Variants in BIRC6 observed in about 807,000 individuals in gnomAD.
The protein encoded by BIRC6 is baculoviral IAP repeat containing 6.
A neutral mutation model predicts 503.3 loss-of-function variants in BIRC6; 98 were observed. The ratio of observed to expected loss-of-function variants is 0.19; its 90% CI spans 0.17 to 0.23. The LOEUF (loss-of-function observed/expected upper bound fraction) is 0.23, where lower values mean the gene tolerates loss of function less well. Ranked by LOEUF, BIRC6 falls within the 10% of genes least tolerant of loss-of-function variation. The pLI is 1.00. For missense variants in BIRC6, 5,360 were observed against 5,806.0 expected, an observed-to-expected ratio of 0.92 and a Z score of 2.50; for synonymous variants, 2,240 against 2,078.7, an observed-to-expected ratio of 1.08 and a Z score of -2.11.
chr2:32,577,565 C>A (rs1265417049), intron 66 of BIRC6, among the ~76,000 whole-genome samples: 1 of 130,228 alleles, frequency 7.7e-6, no homozygotes, highest in African/African-American at 2.6e-5. Flanking sequence ...CTATTAGATC[C>A]TGCAAAAATG....
chr2:32,463,837 T>G (rs916975007), intron 24 of BIRC6, among the ~76,000 whole-genome samples: 1 of 152,228 alleles, frequency 6.6e-6, no homozygotes, highest in Non-Finnish European at 1.5e-5. Flanking sequence ...AAATAGCCTT[T>G]CAGGAACTGG....
At chr2:32,480,192 T>C (rs1026866484) in intron 37 of BIRC6, among the ~76,000 whole-genome samples, 10 of 152,206 alleles carry the variant, frequency 6.6e-5, no homozygotes, top group Admixed American at 3.3e-4. Flanking sequence ...AGATTTCCTG[T>C]GTGCACGATG....
chr2:32,359,639 C>T (rs985302095), intron 1 of BIRC6, among the ~76,000 whole-genome samples: 2 of 151,908 alleles, frequency 1.3e-5, no homozygotes, highest in Non-Finnish European at 2.9e-5. Context: ...TTATAGTGAA[C>T]GGAATGAAGG....
intron 55 of BIRC6, among the ~76,000 whole-genome samples, chr2:32,517,305 G>T (rs549446564): frequency 4.6e-5 from 7 of 152,090 alleles, no homozygotes; most frequent in Non-Finnish European, 1.0e-4. Flanking sequence ...TCACACCACT[G>T]CCCTCCATCC....
At chr2:32,413,867 T>C (rs2042150741) in intron 9 of BIRC6, among the ~76,000 whole-genome samples, 1 of 152,226 alleles carries the variant, frequency 6.6e-6, no homozygotes, top group South Asian at 2.1e-4. Flanking sequence ...AAATGAACTC[T>C]AGATTACTTA....
intron 1 of BIRC6, among the ~76,000 whole-genome samples, chr2:32,374,475 T>A (rs1006832549): frequency 8.0e-6 from 1 of 125,312 alleles, no homozygotes. Flanking sequence ...ATTTTTTTAA[T>A]TTTTTTTTTT....
chr2:32,590,525 G>A (rs1043794259), intron 66 of BIRC6, among the ~76,000 whole-genome samples: 1 of 152,142 alleles, frequency 6.6e-6, no homozygotes, highest in East Asian at 1.9e-4. Flanking sequence ...TTCTGACATG[G>A]TGTATTTAGT....
chr2:32,543,075 C>T (rs924223546), intron 61 of BIRC6, among the ~76,000 whole-genome samples, 166 bp from the exon 62 acceptor site: 2 of 152,232 alleles, frequency 1.3e-5, no homozygotes, highest in African/African-American at 2.4e-5. Context: ...GCTGGGATAA[C>T]AGGCGTGAGC....
At chr2:32,600,803 C>T (rs921654181) in intron 70 of BIRC6, among the ~76,000 whole-genome samples, 2 of 152,148 alleles carry the variant, frequency 1.3e-5, no homozygotes, top group Non-Finnish European at 2.9e-5. Context: ...TTAAAGTTTA[C>T]ACACTGTTAG....
chr2:32,523,874 C>T (rs1410448328), intron 57 of BIRC6, among the ~76,000 whole-genome samples: 3 of 151,942 alleles, frequency 2.0e-5, no homozygotes, highest in Non-Finnish European at 2.9e-5. Flanking sequence ...CACAACATGG[C>T]GAAACCTCGT....
Position 32,415,813 on chromosome 2 carries a change from A to T in BIRC6, c.2522A>T (p.Glu841Val). ...GCCACTCGGATAGTGACTTTAGAAG[A>T]GGAGCCAATAAAAATACAACATATC... ...NYATRIVTLE[E>V]EPIKIQHIKD... Residue 841 changes from glutamate to valine, a missense_variant, in exon 10 of 74, where the codon GAG becomes GTG. Coordinates refer to ENST00000421745, the MANE Select transcript of BIRC6 (RefSeq NM_016252.4). 2 of 1,613,836 alleles carry T rather than the reference A, an allele frequency of 1.2e-6. No individual in the cohort carries two copies. The highest frequency in any genetic ancestry group is 1.7e-6 in the Non-Finnish European group (2 of 1,179,880).
Position 32,487,661 on chromosome 2 carries a change from A to G in BIRC6, c.7828A>G (p.Thr2610Ala), listed in dbSNP as rs989251276. The change falls in exon 41 of 74, where the codon ACT becomes GCT. Residue 2610 changes from threonine (T) to alanine (A), a missense_variant. Transcript: ENST00000421745. ...NTSPTLSQSP[T>A]GTDDSLLGGL... ...TTAATTTTCAGTATCACAGTCTCCC[A>G]CTGGAACAGATGATTCACTTCTAGG... 11 of 1,613,534 alleles carry G rather than the reference A, an allele frequency of 6.8e-6. No homozygotes were observed. The highest frequency in any genetic ancestry group is 6.7e-5 in the Admixed American group (4 of 60,002).
intron 65 of BIRC6, among the ~76,000 whole-genome samples, chr2:32,562,891 C>G (rs2059292980): frequency 6.6e-6 from 1 of 152,154 alleles, no homozygotes; most frequent in Admixed American, 6.5e-5. Flanking sequence ...AATAGATCTG[C>G]TATAAACATT....
chr2:32,489,873 G>A (rs1032157665), intron 42 of BIRC6, among the ~76,000 whole-genome samples, 168 bp from the exon 43 acceptor site: 3 of 152,164 alleles, frequency 2.0e-5, no homozygotes, highest in African/African-American at 7.2e-5. Context: ...TTCTTAATGC[G>A]TTAGTTGTAT....
At chr2:32,383,325 G>T (rs756067079) in intron 3 of BIRC6, among the ~76,000 whole-genome samples, 3 of 152,168 alleles carry the variant, frequency 2.0e-5, no homozygotes, top group Non-Finnish European at 4.4e-5. Context: ...TTCCAGGCGT[G>T]AGCCTAGTCC....
rs2051624901 is a variant in BIRC6 at position 32,490,909 on chromosome 2, T to A, written c.8207-516T>A. 3.3e-5 allele frequency among the ~76,000 whole-genome samples: 5 copies of A among 152,180 alleles called. No individual in the cohort carries two copies. The South Asian group carries it at 1.0e-3, about 31-fold the overall frequency. On this transcript the variant is annotated intron_variant, in intron 43 of 73. Coordinates refer to ENST00000421745, the MANE Select transcript of BIRC6 (RefSeq NM_016252.4). The stretch of plus-strand genomic sequence containing the variant: ...TGGAATGTATTTTCCAAAAATGAGA[T>A]CAAAAGCATCACTGTGATACTGAAG...
intron 65 of BIRC6, among the ~76,000 whole-genome samples, chr2:32,567,883 C>T (rs947413504): frequency 9.9e-5 from 15 of 152,194 alleles, no homozygotes; most frequent in South Asian, 6.2e-4. Context: ...GGGTGGATCA[C>T]GAGGTCAGGA....
rs753685374 is a variant in BIRC6, at chr2:32,464,464, G to C, written c.4942-45G>C. 2.6e-5 allele frequency: 39 copies of C among 1,488,864 alleles called. No individual in the cohort carries two copies. The South Asian group carries it at 3.5e-4, about 13-fold the overall frequency. The allele number at this position is 1,488,864 out of a possible 1,614,324, so 92.2% of individuals were successfully genotyped here. The stretch of plus-strand genomic sequence containing the variant: ...CATGTGGTATTCTGCCACAATTTAG[G>C]TAGGCAGGATTAGTCTATATATGTT... On this transcript the variant is annotated intron_variant, in intron 24 of 73. Coordinates refer to ENST00000421745, the MANE Select transcript of BIRC6 (RefSeq NM_016252.4).
intron 65 of BIRC6, among the ~76,000 whole-genome samples, chr2:32,555,660 A>G (rs950203896): frequency 6.6e-6 from 1 of 151,556 alleles, no homozygotes; most frequent in African/African-American, 2.4e-5. Context: ...AAAATAATCT[A>G]TCAGATTATT....
Sources: allele counts gnomAD v4.1 joint callset (sites outside exome capture counted in the v4.1 genomes callset), GRCh38; gene constraint gnomAD v4.1.1; transcripts MANE v1.5; gene names NCBI Gene and HGNC (gene_info 2026-07-23, HGNC 2026-07-21).